The following C1QTNF5 variants were observed in gnomAD, a reference collection of about 807,000 sequenced individuals.
C1QTNF5 encodes the protein C1q and TNF related 5.
In C1QTNF5, 5 loss-of-function variants were observed where a neutral mutation model predicts 10.9. The ratio of observed to expected loss-of-function variants is 0.46; its 90% CI spans 0.24 to 0.97. The LOEUF (loss-of-function observed/expected upper bound fraction) is 0.97. C1QTNF5 is among the 50% of genes least tolerant of loss of function. The pLI is 0.19. For missense variants in C1QTNF5, 281 were observed against 339.4 expected, an observed-to-expected ratio of 0.83 and a Z score of 1.35; for synonymous variants, 161 against 156.5, an observed-to-expected ratio of 1.03 and a Z score of -0.22.
At chr11:119,341,295 G>T, upstream of C1QTNF5, 1 of 555,248 alleles carries the variant, frequency 1.8e-6, no homozygotes, top group African/African-American at 1.9e-5. Context: ...GCCTGGATGG[G>T]AAGTGGTCTC....
chr11:119,345,787 G>A (rs914207404), upstream of C1QTNF5: 2 of 1,613,698 alleles, frequency 1.2e-6, no homozygotes, highest in South Asian at 1.1e-5. Context: ...CTGTGGGGAG[G>A]GGCTCACGCC....
At chr11:119,346,100 G>T in the C1QTNF5 span, 1 of 1,608,688 alleles carries the variant, frequency 6.2e-7, no homozygotes. Context: ...AGGCTGGAGA[G>T]CAGGAGGACA....
chr11:119,346,640 G>A, the C1QTNF5 span: 1 of 929,638 alleles, frequency 1.1e-6, no homozygotes, highest in Admixed American at 1.9e-5. Context: ...AGGCTGCCAG[G>A]CTAGACCAGT....
At chr11:119,346,388 A>C in the C1QTNF5 span, 1 of 1,613,622 alleles carries the variant, frequency 6.2e-7, no homozygotes. Flanking sequence ...GAAGGGGGAG[A>C]TACTTGAGGG....
At position 119,339,133 on chromosome 11, in the gene C1QTNF5, C is replaced by T; in HGVS notation, c.*198G>A. 1 of 628,836 alleles carries T rather than the reference C, an allele frequency of 1.6e-6. No homozygotes were observed. Among genetic ancestry groups the T allele is most frequent in the South Asian group, 2.1e-5 (1 of 47,228 alleles). 39.0% of individuals were successfully genotyped at this position (628,836 alleles called of 1,614,324 possible). A position where few individuals can be genotyped will look rare whatever the true frequency, so the allele number is the denominator to read the frequency against. The stretch of plus-strand genomic sequence containing the variant: ...CTCTGGTCTTGGGCAGAAATCCAGC[C>T]ACTGCCCCATGCTGCCAGACCTGAT... On this transcript the variant is annotated 3_prime_UTR_variant, in exon 3 of 3. Transcript: ENST00000528368. This position sits in a 1 kb window ranked among gnomAD's most constrained non-coding sequence, Gnocchi z 5.4.
upstream of C1QTNF5, chr11:119,343,977 A>G: frequency 1.2e-6 from 2 of 1,609,654 alleles, no homozygotes; most frequent in South Asian, 1.1e-5. Context: ...GGGGGAGGGC[A>G]TAGGTGGAGC....
At chr11:119,343,027 TGGGCACCAGCCCTGGCTGACTGAGG>T, upstream of C1QTNF5, 1 of 1,584,972 alleles carries the variant, frequency 6.3e-7, no homozygotes, top group East Asian at 2.3e-5. Flanking sequence ...ACAGCTGTTC[TGGGCACCAGCCCTGGCTGACTGAGG>T]GGGCACTGCA....
At chr11:119,343,923 T>C (rs1950529766), upstream of C1QTNF5, 1 of 1,613,808 alleles carries the variant, frequency 6.2e-7, no homozygotes, top group Non-Finnish European at 8.5e-7. Flanking sequence ...ACTGTAGTTC[T>C]ATGCTGTGTC....
the C1QTNF5 span, chr11:119,346,597 G>C: frequency 7.1e-7 from 1 of 1,405,946 alleles, no homozygotes; most frequent in Non-Finnish European, 1.0e-6. Flanking sequence ...CAAACTCCCT[G>C]TCAGAGGGGC....
At chr11:119,343,312 A>G (rs1057072861), upstream of C1QTNF5, among the ~76,000 whole-genome samples, 34 of 152,152 alleles carry the variant, frequency 2.2e-4, no homozygotes, top group Admixed American at 1.8e-3. Flanking sequence ...GGAGTTTGAA[A>G]CCAGCCTGGG....
At chr11:119,344,162 G>C (rs1020714827), upstream of C1QTNF5, among the ~76,000 whole-genome samples, 2 of 151,954 alleles carry the variant, frequency 1.3e-5, no homozygotes, top group Non-Finnish European at 2.9e-5. Context: ...TACACAGCAG[G>C]CACTTAATAA....
chr11:119,344,512 A>G, upstream of C1QTNF5: 1 of 1,586,812 alleles, frequency 6.3e-7, no homozygotes. Flanking sequence ...TCTGGGCCAA[A>G]GAATGACTGA....
chr11:119,345,820 G>A (rs767701649), upstream of C1QTNF5: 5 of 1,613,864 alleles, frequency 3.1e-6, no homozygotes, highest in South Asian at 4.4e-5. Context: ...CCCTTTAGGG[G>A]TCCCAGCTGC....
upstream of C1QTNF5, chr11:119,342,627 G>T (rs1950513978): frequency 6.2e-7 from 1 of 1,613,458 alleles, no homozygotes; most frequent in Admixed American, 1.7e-5. Context: ...CGCTGCAGTT[G>T]TCATCGCTGC....
In C1QTNF5 at chr11:119,339,999, C is replaced by A; in HGVS notation, c.215-151G>T. On this transcript the variant is annotated intron_variant, in intron 2 of 2. Transcript: ENST00000528368. This position sits in a 1 kb window ranked among gnomAD's most constrained non-coding sequence, Gnocchi z 5.4. ...CGGGTACCTCCTCCACCCCTTCCCG[C>A]AGGGCAGATCTGGGGGGCTGGCCAA... is the stretch of plus-strand genomic sequence containing the variant. 7.7e-7 allele frequency: 1 copy of A among 1,294,228 alleles called. No homozygotes were observed. The highest frequency in any genetic ancestry group is 1.0e-6 in the Non-Finnish European group (1 of 986,216). The allele number at this position is 1,294,228 out of a possible 1,614,324, so 80.2% of individuals were successfully genotyped here. A position where few individuals can be genotyped will look rare whatever the true frequency, so the allele number is the denominator to read the frequency against.
At chr11:119,344,003 C>G, upstream of C1QTNF5, 2 of 1,608,582 alleles carry the variant, frequency 1.2e-6, no homozygotes, top group Middle Eastern at 1.7e-4. Context: ...ATGGCCCCTT[C>G]TCCTGTCTCA....
In C1QTNF5 at chr11:119,339,051, C is replaced by T. The variant is rs1177754361; in HGVS notation, c.*280G>A. 1.2e-5 allele frequency: 5 copies of T among 403,262 alleles called. No homozygotes were observed. The highest frequency in any genetic ancestry group is 1.0e-4 in the African/African-American group (5 of 49,892). The allele number at this position is 403,262 out of a possible 1,614,324, so 25.0% of individuals were successfully genotyped here. ...GAGGACCAGGAAGAGAGCACCCCACCGTGGGCTCCTGGACCAGAGCAACTG... is the reference window on the plus strand; with the variant it reads ...GAGGACCAGGAAGAGAGCACCCCACTGTGGGCTCCTGGACCAGAGCAACTG... On this transcript the variant is annotated 3_prime_UTR_variant, in exon 3 of 3. Transcript: ENST00000528368. The surrounding 1 kb of genome is among the most constrained non-coding windows in gnomAD (Gnocchi z 5.4).
At position 119,339,154 on chromosome 11, in the gene C1QTNF5, C is replaced by T; in HGVS notation, c.*177G>A. 1 of 701,198 alleles carries T rather than the reference C, an allele frequency of 1.4e-6. No individual in the cohort carries two copies. Among genetic ancestry groups the T allele is most frequent in the Non-Finnish European group, 2.3e-6 (1 of 428,986 alleles). The allele number at this position is 701,198 out of a possible 1,614,324, so 43.4% of individuals were successfully genotyped here. ...CAGCCACTGCCCCATGCTGCCAGACCTGATCGCAGACAGCCACTGTTCCCA... is the reference window on the plus strand; with the variant it reads ...CAGCCACTGCCCCATGCTGCCAGACTTGATCGCAGACAGCCACTGTTCCCA... On this transcript the variant is annotated 3_prime_UTR_variant, in exon 3 of 3. Coordinates refer to ENST00000528368, the MANE Select transcript of C1QTNF5 (RefSeq NM_001278431.2). This position sits in a 1 kb window ranked among gnomAD's most constrained non-coding sequence, Gnocchi z 5.4.
upstream of C1QTNF5, chr11:119,345,369 T>C (rs760424740): frequency 1.9e-6 from 3 of 1,570,994 alleles, no homozygotes; most frequent in South Asian, 1.1e-5. Flanking sequence ...TTCTGCTCTT[T>C]AGATAGTGGT....
Sources: allele counts gnomAD v4.1 joint callset (sites outside exome capture counted in the v4.1 genomes callset), GRCh38; gene constraint gnomAD v4.1.1; non-coding constraint Gnocchi (gnomAD v3.1); transcripts MANE v1.5; gene names NCBI Gene and HGNC (gene_info 2026-07-23, HGNC 2026-07-21).